Variants in DGKD observed in about 807,000 individuals in gnomAD.
DGKD encodes the protein DAG kinase delta.
A neutral mutation model predicts 154.4 loss-of-function variants in DGKD; 68 were observed. The observed-to-expected ratio is 0.44, with a 90% confidence interval of 0.36 to 0.54. The LOEUF (loss-of-function observed/expected upper bound fraction) is 0.54. Ranked by LOEUF, DGKD falls within the 20% of genes least tolerant of loss-of-function variation. The pLI is 0.00. For synonymous variants in DGKD, 693 were observed against 638.0 expected (o/e 1.09, Z -1.30); for missense variants, 1,343 against 1,593.6 (o/e 0.84, Z 2.68).
intron 3 of DGKD, among the ~76,000 whole-genome samples, chr2:233,414,907 C>A (rs1385657995): frequency 1.3e-5 from 2 of 152,152 alleles, no homozygotes; most frequent in South Asian, 4.1e-4. Flanking sequence ...GGCATCCTGA[C>A]CTTCCAGTCT....
chr2:233,384,244 G>A (rs908446979), intron 1 of DGKD, among the ~76,000 whole-genome samples: 2 of 152,136 alleles, frequency 1.3e-5, no homozygotes, highest in African/African-American at 4.8e-5. Context: ...CCTCAGCTCA[G>A]TTCTCATTTA....
intron 1 of DGKD, among the ~76,000 whole-genome samples, chr2:233,361,723 A>T (rs1484023787): frequency 6.6e-6 from 1 of 152,236 alleles, no homozygotes; most frequent in Non-Finnish European, 1.5e-5. Flanking sequence ...AGGCAGGTGG[A>T]TCATTGGAGG....
chr2:233,394,607 G>A (rs753236931), intron 3 of DGKD, among the ~76,000 whole-genome samples: 11 of 146,898 alleles, frequency 7.5e-5, no homozygotes, highest in Non-Finnish European at 1.5e-4. Flanking sequence ...TCTTTGTTCA[G>A]AATTTACTTG....
At chr2:233,439,703 AG>A (rs1220201839) in intron 9 of DGKD, among the ~76,000 whole-genome samples, 1 of 152,086 alleles carries the variant, frequency 6.6e-6, no homozygotes, top group Non-Finnish European at 1.5e-5. Context: ...CTGGGACTAC[AG>A]GTGTGTACCA....
intron 3 of DGKD, among the ~76,000 whole-genome samples, chr2:233,399,733 G>C (rs983391349): frequency 1.3e-5 from 2 of 152,174 alleles, no homozygotes; most frequent in Non-Finnish European, 2.9e-5. Context: ...AGAAGAGTCT[G>C]TCTGCTGCTG....
chr2:233,387,233 G>A (rs1034721323), intron 1 of DGKD, among the ~76,000 whole-genome samples: 1 of 152,208 alleles, frequency 6.6e-6, no homozygotes, highest in Middle Eastern at 3.2e-3. Flanking sequence ...TTTACGTAAA[G>A]TGCAGAGCTA....
intron 3 of DGKD, among the ~76,000 whole-genome samples, chr2:233,423,623 A>G (rs1428776695): frequency 2.0e-5 from 3 of 152,050 alleles, no homozygotes; most frequent in African/African-American, 7.2e-5. Context: ...CCTCCTCTGG[A>G]TACTCTGTTA....
In DGKD at chr2:233,452,902, T is replaced by C. The variant is rs3820744; in HGVS notation, c.2264+842T>C. Among the ~76,000 whole-genome samples the C allele has an allele frequency of 0.12, 18,733 of 152,148 alleles. 1,358 individuals carry two copies. Among genetic ancestry groups the C allele is most frequent in the African/African-American group, 0.19 (8,055 of 41,496 alleles). On this transcript the variant is annotated intron_variant, in intron 18 of 29. Coordinates refer to ENST00000264057, the MANE Select transcript of DGKD (RefSeq NM_152879.3). This position sits in a 1 kb window ranked among gnomAD's most constrained non-coding sequence, Gnocchi z 4.0. ...AGAAATGTGCGGTTCACAGAGGCTC[T>C]GGGTTTGGGAAAGTGGACCCCTAGA...
At chr2:233,460,718 G>A (rs959366064) in intron 24 of DGKD, among the ~76,000 whole-genome samples, 5 of 152,054 alleles carry the variant, frequency 3.3e-5, no homozygotes, top group Non-Finnish European at 5.9e-5. Flanking sequence ...GTGAAACCCC[G>A]TCTCTACTAA....
intron 3 of DGKD, among the ~76,000 whole-genome samples, chr2:233,396,088 TC>T (rs2125461276): frequency 6.6e-6 from 1 of 152,328 alleles, no homozygotes; most frequent in African/African-American, 2.4e-5. Context: ...ATTAGTGAGC[TC>T]CGAGAACATA....
chr2:233,359,579 C>T lies in DGKD; in HGVS notation c.156+4905C>T, dbSNP rs954890401. 2.0e-5 allele frequency among the ~76,000 whole-genome samples: 3 copies of T among 150,804 alleles called. No individual in the cohort carries two copies. In the South Asian group the frequency reaches 6.3e-4, roughly 31 times the overall value. On this transcript the variant is annotated intron_variant, in intron 1 of 29. Transcript: ENST00000264057. ...CAGGCTGGTCTGAGTCTCCATCTCT[C>T]GGCTCCAGAAGAGCAAATACAAACA...
Position 233,434,884 on chromosome 2 carries a change from A to G in DGKD, c.569A>G (p.His190Arg), listed in dbSNP as rs1226958929. 6.2e-7 allele frequency: 1 copy of G among 1,613,746 alleles called. No homozygotes were observed. The highest frequency in any genetic ancestry group is 1.3e-5 in the African/African-American group (1 of 74,926). Residue 190 changes from histidine to arginine, a missense_variant, in exon 5 of 30, where the codon CAC becomes CGC. Physicochemically the swap from His to Arg is conservative, Grantham distance 29 (BLOSUM62 0). This residue lies in a region of DGKD where 332 missense variants were observed against 400.1 expected (regional missense o/e 0.83). Coordinates refer to ENST00000264057, the MANE Select transcript of DGKD (RefSeq NM_152879.3). Reference protein sequence around the residue: ...CREALSGVTSHGLSCEVCKFK... With the variant: ...CREALSGVTSRGLSCEVCKFK... ...GAGGCTCTGTCTGGGGTCACGTCGC[A>G]CGGGCTGTCCTGCGAGGGTACGGAT...
At chr2:233,379,206 G>C (rs1702754493) in intron 1 of DGKD, among the ~76,000 whole-genome samples, 1 of 152,172 alleles carries the variant, frequency 6.6e-6, no homozygotes, top group South Asian at 2.1e-4. Flanking sequence ...CTGCCTTGGG[G>C]GAGTCTGGGA....
chr2:233,446,312 T>A (rs1292115963), intron 11 of DGKD, among the ~76,000 whole-genome samples: 1 of 152,102 alleles, frequency 6.6e-6, no homozygotes, highest in Non-Finnish European at 1.5e-5. Flanking sequence ...AAGCCTGGAG[T>A]TCTGAGCACA....
chr2:233,389,544 T>C (rs1575021653), intron 2 of DGKD, among the ~76,000 whole-genome samples: 1 of 151,066 alleles, frequency 6.6e-6, no homozygotes, highest in East Asian at 1.9e-4. Context: ...GCAGCTTGTT[T>C]AGAAAGGGTT....
In DGKD at chr2:233,441,835, A is replaced by G. The variant is rs377467202; in HGVS notation, c.1086-52A>G. On this transcript the variant is annotated intron_variant, in intron 9 of 29. Coordinates refer to ENST00000264057, the MANE Select transcript of DGKD (RefSeq NM_152879.3). The surrounding 1 kb of genome is among the most constrained non-coding windows in gnomAD (Gnocchi z 5.6). ...TCAGCCCCGTACTGACAAGCCTGTC[A>G]TTTGTCCTGTGGAATGGATGTCATT... The G allele has an allele frequency of 4.5e-5, 70 of 1,555,728 alleles. 1 individual carries two copies. In the African/African-American group the frequency reaches 7.6e-4, roughly 17 times the overall value.
intron 3 of DGKD, among the ~76,000 whole-genome samples, chr2:233,412,040 G>GTTGAAATTAGAGTCATCTTTGTTCTTTTC (rs2061843206): frequency 6.6e-6 from 1 of 152,158 alleles, no homozygotes. Flanking sequence ...TATAGGAAGT[G>GTTGAAATTAGAGTCATCTTTGTTCTTTTC]TTGAAATTAG....
chr2:233,469,251 T>C (rs779584549), intron 29 of DGKD, 120 bp from the exon 30 acceptor site: 1 of 798,826 alleles, frequency 1.3e-6, no homozygotes, highest in Non-Finnish European at 2.1e-6. Flanking sequence ...GTTTTTGTCA[T>C]TTTGGCTCTC....
Position 233,439,298 on chromosome 2 carries a change from T to C in DGKD, c.1085+919T>C, listed in dbSNP as rs1301385126. 3.9e-5 allele frequency among the ~76,000 whole-genome samples: 6 copies of C among 152,194 alleles called. No homozygotes were observed. In the East Asian group the frequency reaches 9.6e-4, roughly 24 times the overall value. On this transcript the variant is annotated intron_variant, in intron 9 of 29. Coordinates refer to ENST00000264057, the MANE Select transcript of DGKD (RefSeq NM_152879.3). ...GTGTATTAGGAGCCAGGGGCTACTC[T>C]GATGTGAACCTCGGCCAGCTCCCTG...
Sources: allele counts gnomAD v4.1 joint callset (sites outside exome capture counted in the v4.1 genomes callset), GRCh38; gene constraint gnomAD v4.1.1; regional missense constraint gnomAD v4.1.1; non-coding constraint Gnocchi (gnomAD v3.1); transcripts MANE v1.5; gene names NCBI Gene and HGNC (gene_info 2026-07-23, HGNC 2026-07-21).